TMX4: variants seen among roughly 807,000 people sequenced by gnomAD.
The protein encoded by TMX4 is thioredoxin related transmembrane protein 4.
TMX4 carries 23 observed loss-of-function variants against 33.3 expected under a neutral mutation model. That is an observed-to-expected ratio of 0.69 (90% CI 0.50 to 0.98). The LOEUF is 0.98. Ranked by LOEUF, TMX4 falls within the 50% of genes least tolerant of loss-of-function variation. The pLI, the probability that TMX4 is intolerant of heterozygous loss-of-function variation, is 0.00. For missense variants in TMX4, 399 were observed against 448.9 expected (o/e 0.89, Z 1.01); for synonymous variants, 164 against 161.5 (o/e 1.02, Z -0.12).
At chr20:8,001,812 C>T (rs895554325) in intron 2 of TMX4, among the ~76,000 whole-genome samples, 7 of 152,078 alleles carry the variant, frequency 4.6e-5, no homozygotes, top group African/African-American at 1.7e-4. Context: ...AAGTTAAATA[C>T]CGACTTACCC....
chr20:8,000,272 T>G (rs2050699250), intron 3 of TMX4, among the ~76,000 whole-genome samples: 1 of 152,086 alleles, frequency 6.6e-6, no homozygotes, highest in Non-Finnish European at 1.5e-5. Flanking sequence ...ACAAAAAACG[T>G]CATACCCCCC....
intron 3 of TMX4, 101 bp from the exon 4 acceptor site, chr20:7,999,961 CT>C: frequency 7.9e-7 from 1 of 1,269,478 alleles, no homozygotes; most frequent in South Asian, 1.5e-5. Context: ...TGAACGCCAT[CT>C]GAACTTTAAA....
intron 5 of TMX4, 83 bp from the exon 6 acceptor site, chr20:7,987,472 T>C: frequency 1.1e-6 from 1 of 946,058 alleles, no homozygotes; most frequent in Non-Finnish European, 1.5e-6. Flanking sequence ...CTGTTGTTTC[T>C]ACATACATAG....
At chr20:8,011,046 G>T (rs536699759) in intron 1 of TMX4, among the ~76,000 whole-genome samples, 1 of 151,944 alleles carries the variant, frequency 6.6e-6, no homozygotes, top group South Asian at 2.1e-4. Flanking sequence ...TAAGCATGGG[G>T]GGCAAACATC....
chr20:8,016,285 T>C (rs868769760), intron 1 of TMX4, among the ~76,000 whole-genome samples: 4 of 152,120 alleles, frequency 2.6e-5, no homozygotes, highest in African/African-American at 7.2e-5. Context: ...GGCAGGAGAA[T>C]TGCTTGAGCC....
At chr20:7,991,246 G>A (rs933150287) in intron 5 of TMX4, among the ~76,000 whole-genome samples, 3 of 152,116 alleles carry the variant, frequency 2.0e-5, no homozygotes, top group African/African-American at 4.8e-5. Flanking sequence ...CTCTCAAAAC[G>A]ACAGTAACAT....
chr20:7,991,239 T>C (rs2050653297), intron 5 of TMX4, among the ~76,000 whole-genome samples: 1 of 152,166 alleles, frequency 6.6e-6, no homozygotes, highest in Non-Finnish European at 1.5e-5. Flanking sequence ...CTACATCCTC[T>C]CAAAACGACA....
chr20:8,019,570 G>C lies in TMX4; in HGVS notation c.44C>G (p.Ala15Gly), dbSNP rs766511687. 14 of 1,406,114 alleles carry C rather than the reference G, an allele frequency of 1.0e-5. 1 individual carries two copies. The Middle Eastern group carries it at 2.9e-3, about 293-fold the overall frequency. 87.1% of individuals were successfully genotyped at this position (1,406,114 alleles called of 1,614,324 possible). Residue 15 changes from alanine to glycine, a missense_variant, in exon 1 of 8, where the codon GCC becomes GGC. Coordinates refer to ENST00000246024, the MANE Select transcript of TMX4 (RefSeq NM_021156.4). ...CGCCGCCACAGCCGCGATCCAGGCG[G>C]CCAGGAGCGCCGTTAGCTGCGGGCC... is the stretch of plus-strand genomic sequence containing the variant. The part of the protein sequence containing the change: ...RCGPQLTALL[A>G]AWIAAVAATA...
chr20:7,991,437 A>G (rs1200828859), intron 5 of TMX4, among the ~76,000 whole-genome samples: 1 of 152,142 alleles, frequency 6.6e-6, no homozygotes, highest in East Asian at 1.9e-4. Context: ...ATTTTTTCAG[A>G]TTTTTGCATT....
chr20:8,019,508 G>C lies in TMX4; in HGVS notation c.106C>G (p.Gln36Glu), dbSNP rs1456078162. Residue 36 changes from glutamine (Q) to glutamate (E), a missense_variant, in exon 1 of 8, where the codon CAG becomes GAG. Gln to Glu is a conservative substitution (Grantham distance 29). Coordinates refer to ENST00000246024, the MANE Select transcript of TMX4 (RefSeq NM_021156.4). ...GCGGTCATGGGCTGGACCCGGCTCT[G>C]CTCCGGCGGCAGCGCGGCCTCCTCG... The part of the protein sequence containing the change: ...GPEEAALPPE[Q>E]SRVQPMTASN... 1 of 1,499,816 alleles carries C rather than the reference G, an allele frequency of 6.7e-7. No homozygotes were observed. The highest frequency in any genetic ancestry group is 1.3e-5 in the South Asian group (1 of 79,318). The allele number at this position is 1,499,816 out of a possible 1,614,324, so 92.9% of individuals were successfully genotyped here. A position where few individuals can be genotyped will look rare whatever the true frequency, so the allele number is the denominator to read the frequency against.
At chr20:7,995,792 A>G (rs1446625335) in intron 5 of TMX4, among the ~76,000 whole-genome samples, 2 of 151,794 alleles carry the variant, frequency 1.3e-5, no homozygotes, top group Non-Finnish European at 2.9e-5. Context: ...AGACTTCACC[A>G]CTGATTTAAG....
intron 5 of TMX4, among the ~76,000 whole-genome samples, chr20:7,993,781 G>GCACACA (rs138693877): frequency 0.022 from 3,333 of 149,378 alleles, 96 homozygotes; most frequent in East Asian, 0.065. Context: ...TTAAGGTAAT[G>GCACACA]CACACACACA....
At chr20:7,990,449 A>G (rs980320599) in intron 5 of TMX4, among the ~76,000 whole-genome samples, 4 of 152,180 alleles carry the variant, frequency 2.6e-5, no homozygotes, top group Admixed American at 6.5e-5. Context: ...AAACATCATT[A>G]CAACAGAATA....
chr20:7,994,284 C>A (rs185663628), intron 5 of TMX4, among the ~76,000 whole-genome samples: 69 of 152,190 alleles, frequency 4.5e-4, no homozygotes, highest in Admixed American at 1.4e-3. Flanking sequence ...ATTAGTTATT[C>A]AGACATGGAT....
intron 1 of TMX4, chr20:8,013,784 T>G (rs925076637): frequency 2.0e-5 from 3 of 152,222 alleles, no homozygotes; most frequent in African/African-American, 7.2e-5. Flanking sequence ...TGAACAACTC[T>G]TCTTCTGTCT....
At chr20:7,998,546 G>A (rs576891979) in intron 4 of TMX4, among the ~76,000 whole-genome samples, 2 of 152,054 alleles carry the variant, frequency 1.3e-5, no homozygotes, top group African/African-American at 4.8e-5. Context: ...TGTGTGTGCT[G>A]ATCACTTCCA....
chr20:8,003,789 A>G (rs900704180), intron 2 of TMX4, among the ~76,000 whole-genome samples: 2 of 152,124 alleles, frequency 1.3e-5, no homozygotes, highest in Non-Finnish European at 2.9e-5. Flanking sequence ...TCTTGATATG[A>G]ATTGCTATGT....
Position 7,982,614 on chromosome 20 carries a change from A to G in TMX4, c.687T>C (p.Asn229=). The G allele has an allele frequency of 1.2e-6, 2 of 1,610,594 alleles. No individual in the cohort carries two copies. The highest frequency in any genetic ancestry group is 1.7e-6 in the Non-Finnish European group (2 of 1,179,184). Residue 229 remains asparagine, a synonymous_variant, in exon 8 of 8, where the codon AAT becomes AAC. Coordinates refer to ENST00000246024, the MANE Select transcript of TMX4 (RefSeq NM_021156.4). ...PRHLSERSEQ[N]RRSEEAHRAE... ...CTCTATGAGCCTCCTCTGATCTCCG[A>G]TTCTGCTCTATGGAGGGAAGAAAGA...
chr20:8,008,024 T>C (rs1056940784), intron 2 of TMX4, among the ~76,000 whole-genome samples: 2 of 152,264 alleles, frequency 1.3e-5, no homozygotes, highest in African/African-American at 2.4e-5. Flanking sequence ...AGGGCCTGTT[T>C]ATGGTAGAAA....
Sources: allele counts gnomAD v4.1 joint callset (sites outside exome capture counted in the v4.1 genomes callset), GRCh38; gene constraint gnomAD v4.1.1; transcripts MANE v1.5; gene names NCBI Gene and HGNC (gene_info 2026-07-23, HGNC 2026-07-21).